The following KATNAL1 variants were observed in gnomAD, a reference collection of about 807,000 sequenced individuals.
KATNAL1 encodes katanin p60 ATPase-containing subunit A-like 1.
KATNAL1 carries 32 observed loss-of-function variants against 55.2 expected under a neutral mutation model. The ratio of observed to expected loss-of-function variants is 0.58; its 90% CI spans 0.44 to 0.78. KATNAL1 has a LOEUF of 0.78. KATNAL1 is among the 30% of genes least tolerant of loss of function. KATNAL1 has a pLI of 0.00. For synonymous variants in KATNAL1, 193 were observed against 193.6 expected, an observed-to-expected ratio of 1.00 and a Z score of 0.02; for missense variants, 466 against 600.9, an observed-to-expected ratio of 0.78 and a Z score of 2.35.
At chr13:30,239,546 A>T (rs186828473) in intron 6 of KATNAL1, among the ~76,000 whole-genome samples, 1 of 152,340 alleles carries the variant, frequency 6.6e-6, no homozygotes. Context: ...GTTGCAGAAA[A>T]AAATTATTTG....
chr13:30,277,832 A>C (rs916754721), intron 3 of KATNAL1, among the ~76,000 whole-genome samples: 5 of 151,164 alleles, frequency 3.3e-5, no homozygotes, highest in African/African-American at 9.7e-5. Flanking sequence ...AAATACAAAA[A>C]ATTAGCCGGG....
intron 9 of KATNAL1, among the ~76,000 whole-genome samples, chr13:30,220,740 C>A (rs920278725): frequency 2.0e-5 from 3 of 151,904 alleles, no homozygotes; most frequent in Admixed American, 6.6e-5. Flanking sequence ...ACTCTGTCAC[C>A]CAGGCTGGAG....
At chr13:30,291,472 C>T (rs1022436816) in intron 1 of KATNAL1, among the ~76,000 whole-genome samples, 5 of 152,076 alleles carry the variant, frequency 3.3e-5, no homozygotes, top group African/African-American at 7.2e-5. Flanking sequence ...ACTCAATATG[C>T]GTAAGATGTC....
intron 3 of KATNAL1, among the ~76,000 whole-genome samples, chr13:30,266,103 C>T (rs1879764461): frequency 6.6e-6 from 1 of 151,750 alleles, no homozygotes; most frequent in South Asian, 2.1e-4. Flanking sequence ...CAACCTCTAC[C>T]TCCCAGGTTC....
intron 1 of KATNAL1, among the ~76,000 whole-genome samples, chr13:30,303,975 T>A (rs1334743787): frequency 6.6e-6 from 1 of 152,202 alleles, no homozygotes; most frequent in Non-Finnish European, 1.5e-5. Flanking sequence ...AGTAAGGAAG[T>A]GGGAGAAGAA....
chr13:30,206,608 A>G lies in KATNAL1; in HGVS notation c.*1932T>C, dbSNP rs1272227825. The stretch of plus-strand genomic sequence containing the variant: ...AAACCCAGAAAAGGTCTAACTAATC[A>G]ACTATTGTTAGGCTGGTGCAAAAGT... On this transcript the variant is annotated 3_prime_UTR_variant, in exon 11 of 11. Coordinates refer to ENST00000380615, the MANE Select transcript of KATNAL1 (RefSeq NM_032116.5). 6.6e-6 allele frequency: 1 copy of G among 152,084 alleles called. No homozygotes were observed. Among genetic ancestry groups the G allele is most frequent in the Non-Finnish European group, 1.5e-5 (1 of 67,984 alleles). 9.4% of individuals were successfully genotyped at this position (152,084 alleles called of 1,614,324 possible).
intron 9 of KATNAL1, among the ~76,000 whole-genome samples, chr13:30,217,439 G>A (rs1289364636): frequency 2.0e-5 from 3 of 152,158 alleles, no homozygotes; most frequent in African/African-American, 7.2e-5. Flanking sequence ...GGGCAACAGA[G>A]CAAGACTCCA....
chr13:30,253,169 T>C (rs1878485401), intron 4 of KATNAL1, among the ~76,000 whole-genome samples: 1 of 152,192 alleles, frequency 6.6e-6, no homozygotes, highest in Non-Finnish European at 1.5e-5. Context: ...TAATGAATAT[T>C]TGTGTGGTTA....
At chr13:30,217,268 C>G (rs146944937) in intron 9 of KATNAL1, among the ~76,000 whole-genome samples, 1 of 152,110 alleles carries the variant, frequency 6.6e-6, no homozygotes, top group East Asian at 1.9e-4. Context: ...CCGGCTAACA[C>G]GGTGAAACCC....
At chr13:30,223,240 C>T (rs180974294) in intron 9 of KATNAL1, among the ~76,000 whole-genome samples, 4 of 151,828 alleles carry the variant, frequency 2.6e-5, no homozygotes, top group African/African-American at 7.3e-5. Flanking sequence ...GAGATCGAGA[C>T]CATCCTGGCT....
intron 1 of KATNAL1, among the ~76,000 whole-genome samples, chr13:30,297,221 GAGA>G (rs912271775): frequency 2.0e-5 from 3 of 151,424 alleles, no homozygotes; most frequent in Admixed American, 6.6e-5. Flanking sequence ...AGAGGAAAAA[GAGA>G]AGAAGGAGGA....
chr13:30,210,554 A>G (rs748622013), intron 9 of KATNAL1, 112 bp from the exon 10 acceptor site: 5 of 841,506 alleles, frequency 5.9e-6, no homozygotes, highest in Non-Finnish European at 9.2e-6. Context: ...AAGAAGAGTC[A>G]ATAACTGTGT....
rs530298156 is a variant in KATNAL1 at position 30,244,117 on chromosome 13, T to C, written c.493-3031A>G. Among the ~76,000 whole-genome samples the C allele has an allele frequency of 4.6e-5, 7 of 151,910 alleles. No homozygotes were observed. In the South Asian group the frequency reaches 1.5e-3, roughly 32 times the overall value. ...CCCAACAGGCCCCAGTGTGTGATGTTCCCCTCCCTGTATCCATGTCTTCTC... is the reference window on the plus strand; with the variant it reads ...CCCAACAGGCCCCAGTGTGTGATGTCCCCCTCCCTGTATCCATGTCTTCTC... On this transcript the variant is annotated intron_variant, in intron 4 of 10. Coordinates refer to ENST00000380615, the MANE Select transcript of KATNAL1 (RefSeq NM_032116.5).
intron 9 of KATNAL1, chr13:30,210,725 A>C: frequency 4.4e-6 from 1 of 225,024 alleles, no homozygotes; most frequent in Non-Finnish European, 8.6e-6. Flanking sequence ...TACTATGAGA[A>C]CAAAGAATCT....
In KATNAL1 at chr13:30,223,441, CAAAAAAAA is replaced by C. The variant is rs34451447; in HGVS notation, c.1147+3963_1147+3970del. ...AGGGTGACAGAGCGAGACTCCATCT[CAAAAAAAA>C]AAAAAAAAAAAAAAAAAACTGCACC... On this transcript the variant is annotated intron_variant, in intron 9 of 10. Transcript: ENST00000380615. 4.1e-4 allele frequency among the ~76,000 whole-genome samples: 20 copies of C among 48,782 alleles called. 1 individual carries two copies. In the South Asian group the frequency reaches 0.02, roughly 49 times the overall value. The allele number at this position is 48,782 out of a possible 152,430, so 32.0% of individuals were successfully genotyped here. A position where few individuals can be genotyped will look rare whatever the true frequency, so the allele number is the denominator to read the frequency against.
chr13:30,259,789 C>T (rs2137473657), intron 3 of KATNAL1, among the ~76,000 whole-genome samples: 1 of 152,302 alleles, frequency 6.6e-6, no homozygotes, highest in South Asian at 2.1e-4. Context: ...AGCAGCAAGG[C>T]TGGGGGAGGG....
intron 3 of KATNAL1, among the ~76,000 whole-genome samples, chr13:30,260,126 C>T (rs1490105959): frequency 6.6e-5 from 10 of 152,298 alleles, no homozygotes; most frequent in East Asian, 3.9e-4. Flanking sequence ...ACACCTCACA[C>T]GGCTGGGTAC....
chr13:30,297,738 C>G (rs1034975126), intron 1 of KATNAL1, among the ~76,000 whole-genome samples: 1 of 152,160 alleles, frequency 6.6e-6, no homozygotes, highest in Non-Finnish European at 1.5e-5. Context: ...AGCTGGAGGC[C>G]ATTATCCTTA....
intron 1 of KATNAL1, among the ~76,000 whole-genome samples, chr13:30,301,881 T>C (rs1882878585): frequency 6.6e-6 from 1 of 152,226 alleles, no homozygotes. Flanking sequence ...TATGTATTTA[T>C]TTATTTTTGA....
Sources: gnomAD v4.1 joint callset for allele counts (sites outside exome capture counted in the v4.1 genomes callset) on GRCh38, gnomAD v4.1.1 for gene constraint, MANE v1.5 for transcripts, NCBI Gene and HGNC (gene_info 2026-07-23, HGNC 2026-07-21) for gene names.